Variants in ZNHIT6 observed in about 807,000 individuals in gnomAD.
ZNHIT6 encodes the protein box C/D snoRNA protein 1.
A neutral mutation model predicts 57.2 loss-of-function variants in ZNHIT6; 45 were observed. The ratio of observed to expected loss-of-function variants is 0.79; its 90% confidence interval spans 0.62 to 1.01. The LOEUF (loss-of-function observed/expected upper bound fraction) is 1.01, where lower values mean the gene tolerates loss of function less well. ZNHIT6 is among the 50% of genes least tolerant of loss of function. ZNHIT6 has a pLI of 0.00. For missense variants in ZNHIT6, 528 were observed against 567.3 expected (o/e 0.93, Z 0.70); for synonymous variants, 188 against 190.0 (o/e 0.99, Z 0.09).
chr1:85,665,054 C>CCTGAGG (rs1661332257), intron 8 of ZNHIT6, among the ~76,000 whole-genome samples: 1 of 152,120 alleles, frequency 6.6e-6, no homozygotes, highest in Admixed American at 6.6e-5. Flanking sequence ...TGGTCTCAAA[C>CCTGAGG]TCCTGACCTC....
chr1:85,707,941 A>G lies in ZNHIT6; in HGVS notation c.344T>C (p.Leu115Ser), dbSNP rs1662738763. Residue 115 changes from leucine (L) to serine (S), a missense_variant, in exon 1 of 10, where the codon TTG becomes TCG. Transcript: ENST00000370574. ...PEVKDENAGV[L>S]EVKQETDSSL... ...ACTATCCGTCTCCTGCTTCACCTCC[A>G]ATACGCCTGCGTTCTCATCCTTCAC... 5.6e-6 allele frequency: 9 copies of G among 1,613,746 alleles called. No individual in the cohort carries two copies. The highest frequency in any genetic ancestry group is 7.6e-6 in the Non-Finnish European group (9 of 1,179,994).
rs772938749 is a variant in ZNHIT6, at chr1:85,706,382, T to C, written c.723-27A>G. 2.5e-6 allele frequency: 4 copies of C among 1,613,768 alleles called. No individual in the cohort carries two copies. The Admixed American group carries it at 6.7e-5, about 27-fold the overall frequency. On this transcript the variant is annotated intron_variant, in intron 2 of 9. Transcript: ENST00000370574. ...TGAAAAGACAAAGGGGAAGTACTTT[T>C]ATATTTTAGGGTAAGAAAGGTACAG... is the stretch of plus-strand genomic sequence containing the variant.
chr1:85,696,195 G>T (rs1303260601), intron 5 of ZNHIT6, among the ~76,000 whole-genome samples: 5 of 145,984 alleles, frequency 3.4e-5, no homozygotes, highest in Non-Finnish European at 7.5e-5. Context: ...TTTTTTTAGA[G>T]ACAGGGTCTC....
intron 6 of ZNHIT6, 123 bp from the exon 7 acceptor site, chr1:85,678,904 A>G (rs1268484475): frequency 1.9e-6 from 1 of 517,594 alleles, no homozygotes; most frequent in Non-Finnish European, 3.3e-6. Flanking sequence ...AAGACCTTTT[A>G]TATTACTCTT....
chr1:85,653,001 AG>A lies in ZNHIT6; in HGVS notation c.*1056del, dbSNP rs1660955694. On this transcript the variant is annotated 3_prime_UTR_variant, in exon 10 of 10. Transcript: ENST00000370574. ...TCCAATAACATGTTGAAGATTTCCC[AG>A]GTTTTTTTTTCTTTAAGTTATTGCT... is the stretch of plus-strand genomic sequence containing the variant. 1 of 152,294 alleles carries A rather than the reference AG, an allele frequency of 6.6e-6. No homozygotes were observed. Among genetic ancestry groups the A allele is most frequent in the South Asian group, 2.1e-4 (1 of 4,824 alleles). The allele number at this position is 152,294 out of a possible 1,614,324, so 9.4% of individuals were successfully genotyped here. A position where few individuals can be genotyped will look rare whatever the true frequency, so the allele number is the denominator to read the frequency against.
rs1181936790 is a variant in ZNHIT6, at chr1:85,650,018, A to G, written c.*4040T>C. 3 of 152,166 alleles carry G rather than the reference A, an allele frequency of 2.0e-5. No individual in the cohort carries two copies. The highest frequency in any genetic ancestry group is 4.4e-5 in the Non-Finnish European group (3 of 68,030). 9.4% of individuals were successfully genotyped at this position (152,166 alleles called of 1,614,324 possible). A position where few individuals can be genotyped will look rare whatever the true frequency, so the allele number is the denominator to read the frequency against. On this transcript the variant is annotated 3_prime_UTR_variant, in exon 10 of 10. Coordinates refer to ENST00000370574, the MANE Select transcript of ZNHIT6 (RefSeq NM_017953.4). ...GAAACTTCTTGCTACTCAAATTCAA[A>G]CAGGGTGCAATGAATGTGTTACTTT...
intron 5 of ZNHIT6, among the ~76,000 whole-genome samples, chr1:85,684,111 C>A (rs1661957554): frequency 6.6e-6 from 1 of 152,146 alleles, no homozygotes; most frequent in South Asian, 2.1e-4. Context: ...TGTCACTATA[C>A]CCTTGGCATA....
At chr1:85,695,513 T>C (rs1662340997) in intron 5 of ZNHIT6, among the ~76,000 whole-genome samples, 1 of 152,164 alleles carries the variant, frequency 6.6e-6, no homozygotes, top group Admixed American at 6.5e-5. Context: ...AGAGCTGGCA[T>C]TTGAAGCCAC....
At chr1:85,678,415 C>G (rs1002558814) in intron 7 of ZNHIT6, among the ~76,000 whole-genome samples, 2 of 152,134 alleles carry the variant, frequency 1.3e-5, no homozygotes, top group African/African-American at 2.4e-5. Context: ...CTTCAAGGCT[C>G]AGTTTCTCCA....
chr1:85,671,302 A>T (rs1661551225), intron 8 of ZNHIT6, among the ~76,000 whole-genome samples: 2 of 152,106 alleles, frequency 1.3e-5, no homozygotes, highest in South Asian at 2.1e-4. Context: ...TCCCAGAAGT[A>T]TAAGAAATTA....
At chr1:85,688,422 A>G (rs1393920875) in intron 5 of ZNHIT6, among the ~76,000 whole-genome samples, 1 of 152,208 alleles carries the variant, frequency 6.6e-6, no homozygotes, top group Non-Finnish European at 1.5e-5. Context: ...AAAATAAACT[A>G]TGTATTTTTC....
chr1:85,690,222 GCTCAAAGTATGA>G (rs1662178167), intron 5 of ZNHIT6, among the ~76,000 whole-genome samples: 1 of 152,078 alleles, frequency 6.6e-6, no homozygotes, highest in Non-Finnish European at 1.5e-5. Flanking sequence ...AAGATTTCCT[GCTCAAAGTATGA>G]CTCTACCTAA....
chr1:85,661,276 T>G (rs952864690), intron 8 of ZNHIT6, among the ~76,000 whole-genome samples: 3 of 152,208 alleles, frequency 2.0e-5, no homozygotes, highest in Non-Finnish European at 4.4e-5. Context: ...CATCATTCAC[T>G]GGTCTGTGAT....
At chr1:85,678,858 A>C (rs1423563984) in intron 6 of ZNHIT6, 77 bp from the exon 7 acceptor site, 1 of 797,310 alleles carries the variant, frequency 1.3e-6, no homozygotes, top group East Asian at 3.2e-5. Context: ...TTGAATTATT[A>C]AATATTGTGG....
At chr1:85,662,317 T>A (rs1198694695) in intron 8 of ZNHIT6, among the ~76,000 whole-genome samples, 1 of 152,118 alleles carries the variant, frequency 6.6e-6, no homozygotes, top group South Asian at 2.1e-4. Flanking sequence ...TCTCCAAATT[T>A]AGCAATCTAG....
At chr1:85,684,875 C>G (rs527474088) in intron 5 of ZNHIT6, among the ~76,000 whole-genome samples, 61 of 152,182 alleles carry the variant, frequency 4.0e-4, no homozygotes, top group Non-Finnish European at 8.1e-4. Context: ...TACCACAATC[C>G]CAAGGAAAAA....
At chr1:85,664,934 C>T (rs1187211768) in intron 8 of ZNHIT6, among the ~76,000 whole-genome samples, 3 of 152,114 alleles carry the variant, frequency 2.0e-5, no homozygotes, top group African/African-American at 7.2e-5. Context: ...CGGGTTCAAG[C>T]GATTCTCCTG....
intron 8 of ZNHIT6, among the ~76,000 whole-genome samples, chr1:85,667,394 G>T (rs1661397264): frequency 6.6e-6 from 1 of 152,078 alleles, no homozygotes; most frequent in Non-Finnish European, 1.5e-5. Flanking sequence ...GTGTGTTTGG[G>T]AAAACTTATT....
In ZNHIT6 at chr1:85,707,793, C is replaced by T. The variant is rs779309541; in HGVS notation, c.492G>A (p.Glu164=). Reference sequence around the variant, plus strand: ...TTATGCATTGACCAACAAACTTCTCCTCCTGTTTTATCTCCAAGTTATCCT... The same window carrying T: ...TTATGCATTGACCAACAAACTTCTCTTCCTGTTTTATCTCCAAGTTATCCT... ...EEKDNLEIKQ[E]EKFVGQCIKE... The change falls in exon 1 of 10, where the codon GAG becomes GAA. Residue 164 remains glutamate (E), a synonymous_variant. Transcript: ENST00000370574. The T allele has an allele frequency of 4.5e-5, 72 of 1,614,018 alleles. No individual in the cohort carries two copies. In the Admixed American group the frequency reaches 1.2e-3, roughly 27 times the overall value.
Sources: allele counts gnomAD v4.1 joint callset (sites outside exome capture counted in the v4.1 genomes callset), GRCh38; gene constraint gnomAD v4.1.1; transcripts MANE v1.5; gene names NCBI Gene and HGNC (gene_info 2026-07-23, HGNC 2026-07-21).